The following ASTN2 variants were observed in gnomAD, a reference collection of about 807,000 sequenced individuals.
ASTN2 encodes astrotactin-2.
In ASTN2, 54 loss-of-function variants were observed where a neutral mutation model predicts 139.8. That is an observed-to-expected ratio of 0.39 (90% CI 0.31 to 0.48). The LOEUF (loss-of-function observed/expected upper bound fraction) is 0.48. Among genes scored for constraint, ASTN2 ranks in the 20% least tolerant of loss-of-function variants. The probability of loss-of-function intolerance (pLI) is 0.95; values close to 1 mark genes in which losing one functional copy is unlikely to be tolerated. For synonymous variants in ASTN2, 756 were observed against 719.5 expected, an observed-to-expected ratio of 1.05 and a Z score of -0.81; for missense variants, 1,565 against 1,725.1, an observed-to-expected ratio of 0.91 and a Z score of 1.64.
chr9:116,799,319 T>C (rs999825678), intron 13 of ASTN2, among the ~76,000 whole-genome samples: 1 of 152,094 alleles, frequency 6.6e-6, no homozygotes, highest in Admixed American at 6.6e-5. Flanking sequence ...GGGTTGTGGG[T>C]GCTGAATCCC....
chr9:116,819,281 C>A (rs1013757799), intron 12 of ASTN2, among the ~76,000 whole-genome samples: 3 of 152,160 alleles, frequency 2.0e-5, no homozygotes, highest in African/African-American at 7.2e-5. Flanking sequence ...CTGGATGCAG[C>A]CTGCAGATCT....
At chr9:116,656,578 C>A (rs1858224518) in intron 16 of ASTN2, among the ~76,000 whole-genome samples, 2 of 151,556 alleles carry the variant, frequency 1.3e-5, no homozygotes, top group Non-Finnish European at 2.9e-5. Context: ...GTTTCAAGCC[C>A]AATTCAGTTC....
intron 16 of ASTN2, among the ~76,000 whole-genome samples, chr9:116,675,009 A>C (rs1335319876): frequency 6.6e-6 from 1 of 152,092 alleles, no homozygotes; most frequent in Non-Finnish European, 1.5e-5. Flanking sequence ...CTGTCTACGC[A>C]GTGGGCAAGG....
intron 17 of ASTN2, among the ~76,000 whole-genome samples, chr9:116,626,842 G>A (rs1856491837): frequency 6.6e-6 from 1 of 152,154 alleles, no homozygotes; most frequent in African/African-American, 2.4e-5. Context: ...GGTTATCATA[G>A]CAGTGCTGCA....
intron 16 of ASTN2, among the ~76,000 whole-genome samples, chr9:116,674,268 A>T (rs1489529373): frequency 6.6e-6 from 1 of 152,118 alleles, no homozygotes; most frequent in Non-Finnish European, 1.5e-5. Flanking sequence ...TGACCCACAG[A>T]CCCCAGCTGC....
chr9:116,428,525 A>G (rs187084858), intron 22 of ASTN2, among the ~76,000 whole-genome samples: 1 of 112,772 alleles, frequency 8.9e-6, no homozygotes, highest in East Asian at 2.0e-4. Flanking sequence ...ACTCCACCTC[A>G]AAAAAAAAAA....
intron 5 of ASTN2, among the ~76,000 whole-genome samples, chr9:117,051,603 A>T (rs1454676377): frequency 6.6e-6 from 1 of 152,122 alleles, no homozygotes; most frequent in African/African-American, 2.4e-5. Flanking sequence ...TCTCCAAGGT[A>T]CCCCTTTGGT....
intron 19 of ASTN2, among the ~76,000 whole-genome samples, chr9:116,609,379 GTATATATATATATATATA>G (rs56938236): frequency 1.0e-4 from 12 of 116,726 alleles, no homozygotes; most frequent in African/African-American, 2.9e-4. Context: ...ATATATGGGT[GTATATATATATATATATA>G]TATATATATA....
intron 7 of ASTN2, among the ~76,000 whole-genome samples, chr9:116,989,685 G>T (rs1264556356): frequency 6.6e-6 from 1 of 150,426 alleles, no homozygotes; most frequent in Non-Finnish European, 1.5e-5. Flanking sequence ...CTGGGTTCAA[G>T]TGATTCTCCT....
chr9:116,511,833 T>C (rs1331299176), intron 19 of ASTN2, among the ~76,000 whole-genome samples: 1 of 152,226 alleles, frequency 6.6e-6, no homozygotes, highest in Non-Finnish European at 1.5e-5. Context: ...TGTATCTCTG[T>C]GGGATTGGTG....
intron 16 of ASTN2, among the ~76,000 whole-genome samples, chr9:116,672,155 C>T (rs1859233900): frequency 6.6e-6 from 1 of 152,118 alleles, no homozygotes. Context: ...AGGAGGATGG[C>T]TTGAGCTCAG....
intron 3 of ASTN2, among the ~76,000 whole-genome samples, chr9:117,155,945 C>G (rs1167089366): frequency 6.6e-6 from 1 of 151,914 alleles, no homozygotes; most frequent in South Asian, 2.1e-4. Context: ...CAGACCATAC[C>G]TAGGAGTGTG....
At chr9:116,512,866 C>T (rs1224167250) in intron 19 of ASTN2, among the ~76,000 whole-genome samples, 1 of 152,168 alleles carries the variant, frequency 6.6e-6, no homozygotes, top group Admixed American at 6.5e-5. Context: ...GATCTTCCTC[C>T]ATCTCTTTAT....
intron 3 of ASTN2, among the ~76,000 whole-genome samples, chr9:117,174,903 TA>T (rs957508527): frequency 6.6e-6 from 1 of 152,040 alleles, no homozygotes; most frequent in Non-Finnish European, 1.5e-5. Context: ...TTATTTTCTT[TA>T]AAGTAAAGTA....
At chr9:117,241,507 A>G (rs925220113) in intron 2 of ASTN2, among the ~76,000 whole-genome samples, 6 of 152,168 alleles carry the variant, frequency 3.9e-5, no homozygotes, top group African/African-American at 1.4e-4. Context: ...TACGGAATAA[A>G]ACTGTTCCAC....
intron 19 of ASTN2, among the ~76,000 whole-genome samples, chr9:116,580,831 T>C (rs957677406): frequency 2.6e-5 from 4 of 152,150 alleles, no homozygotes; most frequent in Non-Finnish European, 4.4e-5. Context: ...ACACTTCCTT[T>C]AATTAGTCTG....
At chr9:117,016,874 G>C (rs144829531) in intron 6 of ASTN2, among the ~76,000 whole-genome samples, 1,753 of 148,386 alleles carry the variant, frequency 0.012, 38 homozygotes, top group African/African-American at 0.041. Context: ...TTTCCAAATA[G>C]ACATCTTCCT....
At chr9:117,301,947 T>C (rs1271270214) in intron 1 of ASTN2, among the ~76,000 whole-genome samples, 3 of 151,384 alleles carry the variant, frequency 2.0e-5, no homozygotes, top group African/African-American at 7.3e-5. Context: ...GCTGTGAGAA[T>C]AACAGGAGAT....
intron 1 of ASTN2, among the ~76,000 whole-genome samples, chr9:117,368,684 G>A (rs1430030019): frequency 6.6e-6 from 1 of 152,094 alleles, no homozygotes; most frequent in African/African-American, 2.4e-5. Context: ...TTAGTTTCCA[G>A]GGGACCAGAA....
Sources: allele counts gnomAD v4.1 joint callset (sites outside exome capture counted in the v4.1 genomes callset), GRCh38; gene constraint gnomAD v4.1.1; transcripts MANE v1.5; gene names NCBI Gene and HGNC (gene_info 2026-07-23, HGNC 2026-07-21).